The following ADCY5 variants were observed in gnomAD, a reference collection of about 807,000 sequenced individuals.
ADCY5 encodes adenylate cyclase 5.
ADCY5 carries 30 observed loss-of-function variants against 119.7 expected under a neutral mutation model. The ratio of observed to expected loss-of-function variants is 0.25; its 90% CI spans 0.19 to 0.34. The LOEUF (loss-of-function observed/expected upper bound fraction) is 0.34, where lower values mean the gene tolerates loss of function less well. Ranked by LOEUF, ADCY5 falls within the 10% of genes least tolerant of loss-of-function variation. ADCY5 has a pLI of 1.00. For missense variants in ADCY5, 1,324 were observed against 1,775.2 expected (o/e 0.75, Z 4.57); for synonymous variants, 753 against 762.2 (o/e 0.99, Z 0.20).
intron 4 of ADCY5, among the ~76,000 whole-genome samples, chr3:123,332,113 G>C (rs963562827): frequency 6.6e-6 from 1 of 152,152 alleles, no homozygotes; most frequent in African/African-American, 2.4e-5. Flanking sequence ...TCTGGATGCC[G>C]CTAGGGAATG....
At chr3:123,416,443 A>G in intron 1 of ADCY5, 1 of 1,086,862 alleles carries the variant, frequency 9.2e-7, no homozygotes, top group Non-Finnish European at 1.3e-6. Context: ...CTCTGATTTG[A>G]CTAGAAAGGA....
intron 1 of ADCY5, among the ~76,000 whole-genome samples, chr3:123,366,848 G>C (rs1327130882): frequency 6.6e-6 from 1 of 152,180 alleles, no homozygotes; most frequent in African/African-American, 2.4e-5. Flanking sequence ...ATAAAAGTGA[G>C]AGGCAGTGGG....
At chr3:123,350,121 C>T (rs550861622) in intron 2 of ADCY5, among the ~76,000 whole-genome samples, 1 of 152,362 alleles carries the variant, frequency 6.6e-6, no homozygotes, top group East Asian at 1.9e-4. Context: ...CAGCTGGCAT[C>T]ACCCTCCTCC....
chr3:123,427,842 T>G (rs1445193557), intron 1 of ADCY5, among the ~76,000 whole-genome samples: 3 of 152,252 alleles, frequency 2.0e-5, no homozygotes, highest in Non-Finnish European at 4.4e-5. Flanking sequence ...GGACAGGGTC[T>G]GTGGCTTGTT....
intron 16 of ADCY5, 39 bp downstream of exon 16, chr3:123,297,314 A>AG: frequency 6.2e-7 from 1 of 1,609,168 alleles, no homozygotes. Flanking sequence ...CTCTGTGCTG[A>AG]GGGCAGGGAG....
At chr3:123,298,707 A>G (rs1939661295) in intron 15 of ADCY5, among the ~76,000 whole-genome samples, 1 of 152,162 alleles carries the variant, frequency 6.6e-6, no homozygotes, top group Admixed American at 6.5e-5. Flanking sequence ...GCTGGCACAT[A>G]GCAGGCCCTT....
At chr3:123,437,248 C>T (rs890199038) in intron 1 of ADCY5, among the ~76,000 whole-genome samples, 2 of 152,198 alleles carry the variant, frequency 1.3e-5, no homozygotes, top group East Asian at 3.9e-4. Flanking sequence ...GGGCATTCGT[C>T]TACCAGTGCC....
chr3:123,325,525 C>T, intron 7 of ADCY5, 63 bp from the exon 8 acceptor site: 3 of 1,599,694 alleles, frequency 1.9e-6, no homozygotes, highest in Non-Finnish European at 2.6e-6. Flanking sequence ...CCTCACCCTT[C>T]CCCAAACATC....
At chr3:123,418,731 C>A (rs1480008490) in intron 1 of ADCY5, 1 of 152,244 alleles carries the variant, frequency 6.6e-6, no homozygotes, top group Admixed American at 6.5e-5. Context: ...GATCAAATTT[C>A]AACGTGAGTT....
intron 1 of ADCY5, among the ~76,000 whole-genome samples, chr3:123,373,806 C>T (rs1451118636): frequency 3.8e-5 from 5 of 131,300 alleles, no homozygotes; most frequent in East Asian, 5.3e-4. Context: ...TCAGGACTGG[C>T]GAAGCATAGG....
Position 123,314,242 on chromosome 3 carries a change from C to T in ADCY5, c.2435G>A (p.Cys812Tyr). The T allele has an allele frequency of 6.2e-7, 1 of 1,612,316 alleles. No homozygotes were observed. Among genetic ancestry groups the T allele is most frequent in the East Asian group, 2.2e-5 (1 of 44,878 alleles). Residue 812 changes from cysteine (C) to tyrosine (Y), a missense_variant, in exon 12 of 21, where the codon TGC becomes TAC. By Grantham distance (194) the Cys-to-Tyr change is radical. Coordinates refer to ENST00000462833, the MANE Select transcript of ADCY5 (RefSeq NM_183357.3). ...GCTGTCAGCTACACTCACCTTTACG[C>T]AGGAGTAGATCACAGACACAAACAC... ...LVVFVSVIYS[C>Y]VKLFPSPLQT...
chr3:123,437,834 C>T lies in ADCY5; in HGVS notation c.1134+9578G>A, dbSNP rs899542890. On this transcript the variant is annotated intron_variant, in intron 1 of 20. Coordinates refer to ENST00000462833, the MANE Select transcript of ADCY5 (RefSeq NM_183357.3). ...AAGGGACCCCAAGCCCACCAAGGGT[C>T]ATTGTGCAGACCCAACCTCTTCCGA... 9.2e-5 allele frequency among the ~76,000 whole-genome samples: 14 copies of T among 152,170 alleles called. No individual in the cohort carries two copies. The South Asian group carries it at 2.1e-3, about 23-fold the overall frequency.
chr3:123,425,406 G>T (rs755890434), intron 1 of ADCY5, among the ~76,000 whole-genome samples: 3 of 152,202 alleles, frequency 2.0e-5, no homozygotes, highest in Non-Finnish European at 4.4e-5. Context: ...TCTGCAACAG[G>T]CCTCACAGGC....
chr3:123,370,187 C>T (rs1346885954), intron 1 of ADCY5, among the ~76,000 whole-genome samples: 1 of 152,094 alleles, frequency 6.6e-6, no homozygotes, highest in East Asian at 1.9e-4. Flanking sequence ...CTCTCTAGGC[C>T]CCTGGAAATA....
chr3:123,408,395 C>T (rs1167756053), intron 1 of ADCY5, among the ~76,000 whole-genome samples: 3 of 150,648 alleles, frequency 2.0e-5, no homozygotes, highest in African/African-American at 4.9e-5. Context: ...CGGTGGCTCA[C>T]GCCTGTAATC....
At chr3:123,402,040 C>A (rs1305087688) in intron 1 of ADCY5, among the ~76,000 whole-genome samples, 1 of 152,182 alleles carries the variant, frequency 6.6e-6, no homozygotes, top group Non-Finnish European at 1.5e-5. Context: ...TCCTCCAAGA[C>A]CAGTGCTGGG....
chr3:123,439,251 A>T (rs1021457625), intron 1 of ADCY5, among the ~76,000 whole-genome samples: 36 of 150,868 alleles, frequency 2.4e-4, no homozygotes, highest in Admixed American at 9.9e-4. Context: ...TTTAGTAGAG[A>T]CGGGGTTTCA....
rs561605495 is a variant in ADCY5, at chr3:123,315,251, C to T, written c.2355-929G>A. On this transcript the variant is annotated intron_variant, in intron 11 of 20. Coordinates refer to ENST00000462833, the MANE Select transcript of ADCY5 (RefSeq NM_183357.3). ...CCTCTAGGGAGGATTCAAACAGCGT[C>T]TTTGTTCCAGGCCTCCACAAAAGCC... Among the ~76,000 whole-genome samples the T allele has an allele frequency of 4.6e-5, 7 of 152,362 alleles. No homozygotes were observed. The South Asian group carries it at 1.4e-3, about 32-fold the overall frequency.
At chr3:123,329,095 C>T (rs747825884) in intron 5 of ADCY5, among the ~76,000 whole-genome samples, 1 of 152,194 alleles carries the variant, frequency 6.6e-6, no homozygotes, top group Admixed American at 6.5e-5. Flanking sequence ...CCAGCACTGC[C>T]CTGTCAATTA....
Sources: allele counts gnomAD v4.1 joint callset (sites outside exome capture counted in the v4.1 genomes callset), GRCh38; gene constraint gnomAD v4.1.1; transcripts MANE v1.5; gene names NCBI Gene and HGNC (gene_info 2026-07-23, HGNC 2026-07-21).